The following EPSTI1 variants were observed in gnomAD, a reference collection of about 807,000 sequenced individuals.
EPSTI1 encodes the protein epithelial-stromal interaction protein 1.
EPSTI1 carries 66 observed loss-of-function variants against 49.9 expected under a neutral mutation model. That is an observed-to-expected ratio of 1.32 (90% CI 1.08 to 1.62). EPSTI1 has a LOEUF of 1.62. Among genes scored for constraint, EPSTI1 ranks in the 40% most tolerant of loss-of-function variants. The pLI is 0.00. For missense variants in EPSTI1, 394 were observed against 365.5 expected (o/e 1.08, Z -0.64); for synonymous variants, 137 against 130.7 (o/e 1.05, Z -0.33).
chr13:42,984,630 C>G (rs2040046361), intron 1 of EPSTI1, among the ~76,000 whole-genome samples: 1 of 152,156 alleles, frequency 6.6e-6, no homozygotes, highest in African/African-American at 2.4e-5. Flanking sequence ...CTTATAATTA[C>G]AAAATACTTT....
chr13:42,981,030 T>C (rs2039978005), intron 1 of EPSTI1, among the ~76,000 whole-genome samples: 1 of 152,166 alleles, frequency 6.6e-6, no homozygotes, highest in Admixed American at 6.6e-5. Flanking sequence ...CAATGGGCAA[T>C]ACTAGCCCTT....
chr13:42,900,251 T>A (rs2037316229), intron 9 of EPSTI1, 59 bp downstream of exon 9: 1 of 1,463,550 alleles, frequency 6.8e-7, no homozygotes, highest in Admixed American at 1.7e-5. Flanking sequence ...TAAAACACTG[T>A]ACAAACTTTC....
At chr13:42,912,659 A>T (rs2037721051) in intron 8 of EPSTI1, among the ~76,000 whole-genome samples, 1 of 152,220 alleles carries the variant, frequency 6.6e-6, no homozygotes, top group East Asian at 1.9e-4. Flanking sequence ...ATAAGATGAG[A>T]TGAGAAAGAA....
chr13:42,889,601 G>T (rs1195435063), intron 10 of EPSTI1, among the ~76,000 whole-genome samples: 1 of 151,992 alleles, frequency 6.6e-6, no homozygotes, highest in African/African-American at 2.4e-5. Flanking sequence ...GTCTTTAAAT[G>T]GTGACATATC....
At chr13:42,907,301 A>G (rs1219726962) in intron 8 of EPSTI1, among the ~76,000 whole-genome samples, 1 of 152,220 alleles carries the variant, frequency 6.6e-6, no homozygotes, top group East Asian at 1.9e-4. Flanking sequence ...ATATGTGAGC[A>G]TATTTCTATT....
At chr13:42,947,782 A>G (rs952170050) in intron 6 of EPSTI1, among the ~76,000 whole-genome samples, 4 of 152,218 alleles carry the variant, frequency 2.6e-5, no homozygotes, top group Non-Finnish European at 5.9e-5. Flanking sequence ...TCTGTTGCCC[A>G]AATGTGGCTT....
At chr13:42,984,166 A>C (rs2040038106) in intron 1 of EPSTI1, among the ~76,000 whole-genome samples, 1 of 152,220 alleles carries the variant, frequency 6.6e-6, no homozygotes, top group Non-Finnish European at 1.5e-5. Context: ...TGAGCCATCA[A>C]GATTACTCAT....
intron 1 of EPSTI1, among the ~76,000 whole-genome samples, chr13:42,972,042 G>T (rs1172987188): frequency 1.3e-5 from 2 of 152,170 alleles, no homozygotes; most frequent in Non-Finnish European, 2.9e-5. Context: ...TAGGAGCTTG[G>T]AAGCTACAAT....
intron 1 of EPSTI1, among the ~76,000 whole-genome samples, chr13:42,979,303 GCACAGTGGCTTATGCCTGT>G (rs2039939920): frequency 6.6e-6 from 1 of 152,200 alleles, no homozygotes; most frequent in Admixed American, 6.5e-5. Context: ...AGCCGGTGGG[GCACAGTGGCTTATGCCTGT>G]AATCCCAGCA....
At position 42,963,200 on chromosome 13, in the gene EPSTI1, C is replaced by T. The variant is rs531695071; in HGVS notation, c.489+55G>A. 4.2e-6 allele frequency: 6 copies of T among 1,427,256 alleles called. No individual in the cohort carries two copies. In the East Asian group the frequency reaches 1.4e-4, roughly 33 times the overall value. 88.4% of individuals were successfully genotyped at this position (1,427,256 alleles called of 1,614,324 possible). A position where few individuals can be genotyped will look rare whatever the true frequency, so the allele number is the denominator to read the frequency against. ...AAGTTACTATAATAAAAATCTTCTA[C>T]AACGAAACTATAATTGTTGATCAGC... On this transcript the variant is annotated intron_variant, in intron 5 of 10. Coordinates refer to ENST00000313624, the MANE Select transcript of EPSTI1 (RefSeq NM_033255.5).
At chr13:42,987,447 C>T (rs1186115156) in intron 1 of EPSTI1, among the ~76,000 whole-genome samples, 1 of 152,126 alleles carries the variant, frequency 6.6e-6, no homozygotes, top group African/African-American at 2.4e-5. Context: ...CAGCTGAGAC[C>T]CCAGCTTTCC....
intron 7 of EPSTI1, among the ~76,000 whole-genome samples, chr13:42,920,901 A>T (rs1336619362): frequency 7.9e-5 from 12 of 152,142 alleles, no homozygotes; most frequent in Admixed American, 5.9e-4. Context: ...GTTTGGAGAC[A>T]TTTTTTTAAA....
At chr13:42,977,919 G>C (rs2039910144) in intron 1 of EPSTI1, among the ~76,000 whole-genome samples, 1 of 152,156 alleles carries the variant, frequency 6.6e-6, no homozygotes, top group Non-Finnish European at 1.5e-5. Context: ...GGGAGGCCGT[G>C]GCAGGCAGAT....
rs1408532649 is a variant in EPSTI1 at position 42,922,460 on chromosome 13, G to A, written c.657+3876C>T. ...ATGGAAGCTAAACTGGAGCCATGCA[G>A]CCGTGTGCCAAGGGTTTGCGGGGAC... is the stretch of plus-strand genomic sequence containing the variant. On this transcript the variant is annotated intron_variant, in intron 7 of 10. Transcript: ENST00000313624. This position sits in a 1 kb window ranked among gnomAD's most constrained non-coding sequence, Gnocchi z 4.8. Among the ~76,000 whole-genome samples, 5 of 152,198 alleles carry A rather than the reference G, an allele frequency of 3.3e-5. No individual in the cohort carries two copies. The highest frequency in any genetic ancestry group is 7.2e-5 in the African/African-American group (3 of 41,442).
chr13:42,988,339 G>C (rs2153437017), intron 1 of EPSTI1, among the ~76,000 whole-genome samples: 1 of 152,312 alleles, frequency 6.6e-6, no homozygotes, highest in Middle Eastern at 3.4e-3. Flanking sequence ...AGACAGCTTT[G>C]ATATTTAAGG....
chr13:42,901,682 C>T (rs1456447045), intron 8 of EPSTI1, among the ~76,000 whole-genome samples: 1 of 152,220 alleles, frequency 6.6e-6, no homozygotes, highest in Non-Finnish European at 1.5e-5. Flanking sequence ...TCTCCCTCGT[C>T]TCCACAATCA....
At chr13:42,987,777 A>C (rs2040111991) in intron 1 of EPSTI1, among the ~76,000 whole-genome samples, 1 of 152,142 alleles carries the variant, frequency 6.6e-6, no homozygotes, top group Non-Finnish European at 1.5e-5. Flanking sequence ...TTTTGTGTTG[A>C]ATAGTTATTT....
At position 42,963,253 on chromosome 13, in the gene EPSTI1, AC is replaced by A; in HGVS notation, c.489+1del. 1 of 1,611,118 alleles carries A rather than the reference AC, an allele frequency of 6.2e-7. No homozygotes were observed. Among genetic ancestry groups the A allele is most frequent in the Non-Finnish European group, 8.5e-7 (1 of 1,177,652 alleles). On this transcript the variant is annotated splice_donor_variant, in intron 5 of 10. Coordinates refer to ENST00000313624, the MANE Select transcript of EPSTI1 (RefSeq NM_033255.5). LOFTEE classifies it high-confidence loss of function. Reference sequence around the variant, plus strand: ...ATGTGAACTAATCCTCCTCCTCCTTACCTTCTCTCTCTGAATTGCCTTCATT... The same window carrying A: ...ATGTGAACTAATCCTCCTCCTCCTTACTTCTCTCTCTGAATTGCCTTCATT...
chr13:42,888,456 G>C lies in EPSTI1; in HGVS notation c.*38C>G. The C allele has an allele frequency of 1.2e-6, 2 of 1,613,950 alleles. No homozygotes were observed. The highest frequency in any genetic ancestry group is 8.5e-7 in the Non-Finnish European group (1 of 1,179,930). ...AAAAGCATCTCATGAGGCTTTTCGA[G>C]GTCAGTTGATGAAGGCCAGATAGGA... On this transcript the variant is annotated 3_prime_UTR_variant, in exon 11 of 11. Transcript: ENST00000313624.
Sources: allele counts gnomAD v4.1 joint callset (sites outside exome capture counted in the v4.1 genomes callset), GRCh38; gene constraint gnomAD v4.1.1; non-coding constraint Gnocchi (gnomAD v3.1); transcripts MANE v1.5; gene names NCBI Gene and HGNC (gene_info 2026-07-23, HGNC 2026-07-21).